LHFPL3: variants seen among roughly 807,000 people sequenced by gnomAD.
LHFPL3 encodes LHFPL tetraspan subfamily member 3 protein.
A neutral mutation model predicts 19.3 loss-of-function variants in LHFPL3; 5 were observed. The observed-to-expected ratio is 0.26, with a 90% CI of 0.14 to 0.54. The LOEUF is 0.54. Among genes scored for constraint, LHFPL3 ranks in the 20% least tolerant of loss-of-function variants. The pLI, the probability that LHFPL3 is intolerant of heterozygous loss-of-function variation, is 0.94. For missense variants in LHFPL3, 249 were observed against 307.4 expected (o/e 0.81, Z 1.42); for synonymous variants, 133 against 126.2 (o/e 1.05, Z -0.36).
At chr7:104,417,204 T>C (rs954407769) in intron 1 of LHFPL3, among the ~76,000 whole-genome samples, 10 of 152,220 alleles carry the variant, frequency 6.6e-5, no homozygotes, top group African/African-American at 2.4e-4. Flanking sequence ...ATCGTGACAT[T>C]TGTGTGCCTG....
chr7:104,890,931 C>A (rs1562827317), intron 2 of LHFPL3, among the ~76,000 whole-genome samples: 1 of 152,158 alleles, frequency 6.6e-6, no homozygotes. Context: ...AGCTCCCCAG[C>A]CTCGTGCCTG....
At chr7:104,574,235 C>T (rs1302740216) in intron 1 of LHFPL3, among the ~76,000 whole-genome samples, 2 of 152,188 alleles carry the variant, frequency 1.3e-5, no homozygotes, top group Non-Finnish European at 2.9e-5. Context: ...CTACTCAGAA[C>T]ACCACTGCTT....
At chr7:104,599,245 A>T (rs1790920250) in intron 1 of LHFPL3, among the ~76,000 whole-genome samples, 1 of 152,248 alleles carries the variant, frequency 6.6e-6, no homozygotes, top group Admixed American at 6.5e-5. Flanking sequence ...TATATGATTT[A>T]TAAACACATA....
intron 1 of LHFPL3, among the ~76,000 whole-genome samples, chr7:104,559,362 G>A (rs1789934079): frequency 6.6e-6 from 1 of 150,624 alleles, no homozygotes; most frequent in Non-Finnish European, 1.5e-5. Context: ...TCGTTGAGCA[G>A]TGGTTTGTAG....
intron 1 of LHFPL3, among the ~76,000 whole-genome samples, chr7:104,560,690 G>T (rs550420197): frequency 4.0e-4 from 59 of 149,162 alleles, no homozygotes; most frequent in African/African-American, 1.3e-3. Context: ...CTTCAGTTCT[G>T]CTCTGATTTT....
chr7:104,702,791 G>A (rs760129784), intron 1 of LHFPL3, among the ~76,000 whole-genome samples: 36 of 152,150 alleles, frequency 2.4e-4, no homozygotes, highest in Non-Finnish European at 4.9e-4. Flanking sequence ...CTTCTTTGGT[G>A]TTCTGAGGTA....
At chr7:104,713,060 A>G (rs1017765026) in intron 1 of LHFPL3, among the ~76,000 whole-genome samples, 1 of 152,198 alleles carries the variant, frequency 6.6e-6, no homozygotes, top group Non-Finnish European at 1.5e-5. Flanking sequence ...AGGGATCAGT[A>G]CCAAGGCCTA....
intron 1 of LHFPL3, among the ~76,000 whole-genome samples, chr7:104,435,576 C>A (rs1215232539): frequency 1.7e-5 from 2 of 117,030 alleles, no homozygotes; most frequent in African/African-American, 6.6e-5. Context: ...TTTTTTTTTA[C>A]TTTTATCACC....
intron 2 of LHFPL3, among the ~76,000 whole-genome samples, chr7:104,829,506 G>C (rs1420619377): frequency 6.6e-6 from 1 of 151,620 alleles, no homozygotes; most frequent in Non-Finnish European, 1.5e-5. Flanking sequence ...ACAGTCCCCG[G>C]AGTGTGATGT....
chr7:104,730,415 T>G (rs1469999031), intron 1 of LHFPL3, among the ~76,000 whole-genome samples: 1 of 152,226 alleles, frequency 6.6e-6, no homozygotes, highest in East Asian at 1.9e-4. Flanking sequence ...TGTTGTTTCC[T>G]GACTTTTTAA....
chr7:104,461,025 G>GTGGGTAATTTATAT (rs1444856785), intron 1 of LHFPL3, among the ~76,000 whole-genome samples: 11 of 152,112 alleles, frequency 7.2e-5, no homozygotes, highest in African/African-American at 2.2e-4. Flanking sequence ...TGCTAATAAA[G>GTGGGTAATTTATAT]ACCTACCAGA....
intron 1 of LHFPL3, among the ~76,000 whole-genome samples, chr7:104,460,734 T>C (rs988777945): frequency 2.6e-5 from 4 of 152,214 alleles, no homozygotes; most frequent in Non-Finnish European, 4.4e-5. Flanking sequence ...TTGTAGATGC[T>C]GGATATTAGA....
chr7:104,341,559 G>GT (rs1474328542), intron 1 of LHFPL3, among the ~76,000 whole-genome samples: 1 of 152,180 alleles, frequency 6.6e-6, no homozygotes, highest in Non-Finnish European at 1.5e-5. Context: ...TGACCACACT[G>GT]TTTTTGGAGA....
intron 1 of LHFPL3, among the ~76,000 whole-genome samples, chr7:104,389,048 A>C (rs536586502): frequency 1.4e-4 from 22 of 152,312 alleles, no homozygotes; most frequent in Middle Eastern, 3.4e-3. Flanking sequence ...AAGAAATAGA[A>C]GGCATTGAGA....
chr7:104,801,760 CGG>C (rs980201610), intron 2 of LHFPL3, among the ~76,000 whole-genome samples: 27 of 151,902 alleles, frequency 1.8e-4, no homozygotes, highest in African/African-American at 6.3e-4. Flanking sequence ...TTAGTAGAGA[CGG>C]GGTTTCACCG....
rs1045446042 is a variant in LHFPL3 at position 104,653,411 on chromosome 7, C to T, written c.446-83264C>T. The stretch of plus-strand genomic sequence containing the variant: ...GATTAGGCCACCCAGAGTGGAACAG[C>T]GAGGCAGAGAGAGGCCCTAAGGCCC... On this transcript the variant is annotated intron_variant, in intron 1 of 2. Coordinates refer to ENST00000424859, the MANE Select transcript of LHFPL3 (RefSeq NM_199000.3). 1.1e-4 allele frequency among the ~76,000 whole-genome samples: 17 copies of T among 152,190 alleles called. No homozygotes were observed. In the Middle Eastern group the frequency reaches 0.01, roughly 91 times the overall value.
At chr7:104,785,614 C>A (rs1789897153) in intron 2 of LHFPL3, 1 of 152,198 alleles carries the variant, frequency 6.6e-6, no homozygotes, top group African/African-American at 2.4e-5. Flanking sequence ...AGTATTCTCC[C>A]AACCTGCTTT....
intron 2 of LHFPL3, among the ~76,000 whole-genome samples, chr7:104,880,151 G>C (rs1792019043): frequency 6.6e-6 from 1 of 152,174 alleles, no homozygotes; most frequent in Non-Finnish European, 1.5e-5. Context: ...TGGGGCCTTA[G>C]TGGGAGGTGT....
At chr7:104,737,732 A>G (rs1793856267) in intron 2 of LHFPL3, among the ~76,000 whole-genome samples, 1 of 152,104 alleles carries the variant, frequency 6.6e-6, no homozygotes, top group Admixed American at 6.6e-5. Flanking sequence ...TCTTTATGTT[A>G]TCTTTAACTT....
Sources: allele counts gnomAD v4.1 joint callset (sites outside exome capture counted in the v4.1 genomes callset), GRCh38; gene constraint gnomAD v4.1.1; transcripts MANE v1.5; gene names NCBI Gene and HGNC (gene_info 2026-07-23, HGNC 2026-07-21).